Variants in SLC2A13 observed in about 807,000 individuals in gnomAD.
SLC2A13 encodes the protein proton myo-inositol cotransporter.
SLC2A13 carries 32 observed loss-of-function variants against 64.4 expected under a neutral mutation model. The observed-to-expected ratio is 0.50, with a 90% CI of 0.37 to 0.67. The LOEUF (loss-of-function observed/expected upper bound fraction) is 0.67. Among genes scored for constraint, SLC2A13 ranks in the 30% least tolerant of loss-of-function variants. The pLI, the probability that SLC2A13 is intolerant of heterozygous loss-of-function variation, is 0.00. For missense variants in SLC2A13, 743 were observed against 829.2 expected (o/e 0.90, Z 1.28); for synonymous variants, 338 against 327.1 (o/e 1.03, Z -0.36).
intron 5 of SLC2A13, among the ~76,000 whole-genome samples, chr12:39,867,782 G>A (rs536577571): frequency 1.2e-3 from 178 of 152,138 alleles, no homozygotes; most frequent in Non-Finnish European, 2.3e-3. Flanking sequence ...CTTCCTGTTG[G>A]AAGCAAATGC....
At chr12:40,102,844 A>G (rs1939193260) in intron 1 of SLC2A13, among the ~76,000 whole-genome samples, 1 of 152,210 alleles carries the variant, frequency 6.6e-6, no homozygotes, top group African/African-American at 2.4e-5. Context: ...TAATGATTTT[A>G]TGTGTATAAT....
intron 4 of SLC2A13, among the ~76,000 whole-genome samples, chr12:39,904,884 C>T (rs117743269): frequency 0.012 from 1,788 of 152,190 alleles, 21 homozygotes; most frequent in Middle Eastern, 0.027. Flanking sequence ...TGCATTGCCT[C>T]GTCATTGTGT....
At chr12:39,786,687 T>TG (rs1228372909) in intron 7 of SLC2A13, among the ~76,000 whole-genome samples, 1 of 152,118 alleles carries the variant, frequency 6.6e-6, no homozygotes, top group Non-Finnish European at 1.5e-5. Flanking sequence ...TTTTAGGAAT[T>TG]GGGGGAACTT....
At chr12:40,069,028 C>A (rs1328834238) in intron 1 of SLC2A13, among the ~76,000 whole-genome samples, 1 of 151,952 alleles carries the variant, frequency 6.6e-6, no homozygotes, top group Non-Finnish European at 1.5e-5. Context: ...GGAAGACAGT[C>A]TTGCATACAT....
At chr12:39,895,414 TGG>T (rs1944720902) in intron 4 of SLC2A13, among the ~76,000 whole-genome samples, 1 of 141,212 alleles carries the variant, frequency 7.1e-6, no homozygotes, top group Admixed American at 7.4e-5. Flanking sequence ...GGCCTGAACC[TGG>T]GAGGTGGAGC....
intron 7 of SLC2A13, chr12:39,829,389 A>ATTTTTTT (rs1452679878): frequency 3.7e-4 from 24 of 65,718 alleles, no homozygotes; most frequent in South Asian, 9.6e-4. Context: ...TGTGATAGTA[A>ATTTTTTT]TTCTTTTTTT....
chr12:39,922,955 T>C (rs138776837), intron 4 of SLC2A13, among the ~76,000 whole-genome samples: 1 of 152,234 alleles, frequency 6.6e-6, no homozygotes, highest in East Asian at 1.9e-4. Flanking sequence ...TCCTCAAAAA[T>C]TGAAAGAAAA....
chr12:40,102,444 G>A (rs1309712685), intron 1 of SLC2A13, among the ~76,000 whole-genome samples: 2 of 149,062 alleles, frequency 1.3e-5, no homozygotes, highest in African/African-American at 2.5e-5. Flanking sequence ...TTTTTTTTTC[G>A]TTTTTGCTCA....
intron 4 of SLC2A13, among the ~76,000 whole-genome samples, chr12:39,879,232 C>G (rs1041662178): frequency 6.6e-6 from 1 of 152,242 alleles, no homozygotes; most frequent in African/African-American, 2.4e-5. Context: ...CAGAGAACCC[C>G]TACTAGGGAA....
At chr12:39,843,424 C>A (rs904193613) in intron 6 of SLC2A13, among the ~76,000 whole-genome samples, 24 of 151,824 alleles carry the variant, frequency 1.6e-4, no homozygotes, top group African/African-American at 5.6e-4. Flanking sequence ...TTTTATATGG[C>A]CTTTTGCAGA....
intron 4 of SLC2A13, among the ~76,000 whole-genome samples, chr12:39,896,628 CAT>C (rs1565529103): frequency 6.6e-6 from 1 of 151,066 alleles, no homozygotes; most frequent in African/African-American, 2.4e-5. Context: ...ATGTAAATTA[CAT>C]ATAACTTCTG....
intron 7 of SLC2A13, among the ~76,000 whole-genome samples, chr12:39,785,675 C>A (rs1368183166): frequency 6.6e-6 from 1 of 152,178 alleles, no homozygotes; most frequent in East Asian, 1.9e-4. Flanking sequence ...ACACTCAACG[C>A]CAGCCCGTGA....
chr12:39,978,492 G>A (rs181484283), intron 3 of SLC2A13, among the ~76,000 whole-genome samples: 54 of 152,316 alleles, frequency 3.5e-4, no homozygotes, highest in African/African-American at 7.7e-4. Flanking sequence ...GAAGCAGGGC[G>A]AGGCATTGCC....
intron 7 of SLC2A13, among the ~76,000 whole-genome samples, chr12:39,781,295 A>G (rs1168309593): frequency 3.3e-5 from 5 of 152,176 alleles, no homozygotes. Context: ...TGTTCCTGGC[A>G]CTGGCACAAA....
At chr12:40,067,755 CATACAACTGCACGTTTCT>C (rs1255460565) in intron 1 of SLC2A13, among the ~76,000 whole-genome samples, 1 of 152,174 alleles carries the variant, frequency 6.6e-6, no homozygotes. Flanking sequence ...TATTAAAGCA[CATACAACTGCACGTTTCT>C]TCTCTCTCCC....
chr12:39,779,212 C>A (rs987603787), intron 7 of SLC2A13, among the ~76,000 whole-genome samples: 1 of 152,134 alleles, frequency 6.6e-6, no homozygotes, highest in Non-Finnish European at 1.5e-5. Context: ...GCCATTCAAC[C>A]TCACTGGACC....
At chr12:39,941,197 T>G (rs1315955380) in intron 4 of SLC2A13, among the ~76,000 whole-genome samples, 1 of 152,136 alleles carries the variant, frequency 6.6e-6, no homozygotes, top group African/African-American at 2.4e-5. Flanking sequence ...GTTGGTCCCA[T>G]GACTTTGCAA....
At chr12:40,077,019 GTTGAT>G (rs1938204509) in intron 1 of SLC2A13, among the ~76,000 whole-genome samples, 2 of 151,958 alleles carry the variant, frequency 1.3e-5, no homozygotes, top group South Asian at 4.1e-4. Flanking sequence ...ATTTTTGCTT[GTTGAT>G]TTAAGTTCCT....
chr12:39,925,394 T>G (rs533241871), intron 4 of SLC2A13, among the ~76,000 whole-genome samples: 13 of 152,262 alleles, frequency 8.5e-5, no homozygotes, highest in African/African-American at 3.1e-4. Context: ...ATGAACTAAA[T>G]GTATTTTAAT....
Sources: allele counts gnomAD v4.1 joint callset (sites outside exome capture counted in the v4.1 genomes callset), GRCh38; gene constraint gnomAD v4.1.1; transcripts MANE v1.5; gene names NCBI Gene and HGNC (gene_info 2026-07-23, HGNC 2026-07-21).